The following SGCZ variants were observed in gnomAD, a reference collection of about 807,000 sequenced individuals.
SGCZ encodes the protein sarcoglycan zeta, also known as zeta-sarcoglycan.
Under a neutral mutation model 41.3 loss-of-function variants are expected in SGCZ, and 40 were observed. That is an observed-to-expected ratio of 0.97 (90% CI 0.75 to 1.26). The LOEUF (loss-of-function observed/expected upper bound fraction) is 1.26. Ranked by LOEUF, SGCZ falls within the 50% of genes most tolerant of loss-of-function variation. SGCZ has a pLI of 0.00. For synonymous variants in SGCZ, 206 were observed against 137.5 expected, an observed-to-expected ratio of 1.50 and a Z score of -3.49; for missense variants, 552 against 369.8, an observed-to-expected ratio of 1.49 and a Z score of -4.04.
At chr8:14,408,129 A>T (rs1227571603) in intron 2 of SGCZ, among the ~76,000 whole-genome samples, 1 of 152,124 alleles carries the variant, frequency 6.6e-6, no homozygotes, top group East Asian at 1.9e-4. Context: ...TGTGTAGGGC[A>T]GAGTAGTAGA....
At chr8:15,061,996 T>G (rs184533497) in intron 1 of SGCZ, among the ~76,000 whole-genome samples, 1 of 152,304 alleles carries the variant, frequency 6.6e-6, no homozygotes, top group African/African-American at 2.4e-5. Flanking sequence ...CCAAAGTTTA[T>G]TATCTATGAA....
At chr8:14,784,989 T>A (rs572800738) in intron 1 of SGCZ, among the ~76,000 whole-genome samples, 4 of 139,364 alleles carry the variant, frequency 2.9e-5, no homozygotes, top group African/African-American at 5.2e-5. Context: ...TTTTATATAT[T>A]ATATATATAT....
At chr8:14,303,720 CTCTA>C (rs1801264640) in intron 3 of SGCZ, among the ~76,000 whole-genome samples, 1 of 152,036 alleles carries the variant, frequency 6.6e-6, no homozygotes, top group Non-Finnish European at 1.5e-5. Context: ...CAAAATCTCT[CTCTA>C]TATATATATA....
intron 1 of SGCZ, among the ~76,000 whole-genome samples, chr8:14,985,735 T>C (rs1801807997): frequency 6.6e-6 from 1 of 152,322 alleles, no homozygotes; most frequent in African/African-American, 2.4e-5. Context: ...ACACAGGCTA[T>C]ATCTGCAAGG....
intron 1 of SGCZ, among the ~76,000 whole-genome samples, chr8:14,582,524 A>T (rs1300709036): frequency 2.6e-5 from 4 of 152,046 alleles, no homozygotes; most frequent in Non-Finnish European, 4.4e-5. Context: ...TTTTATTATT[A>T]TCATACTTTA....
At chr8:14,316,787 T>C (rs1276151548) in intron 3 of SGCZ, among the ~76,000 whole-genome samples, 1 of 149,130 alleles carries the variant, frequency 6.7e-6, no homozygotes, top group East Asian at 2.0e-4. Flanking sequence ...TTCCTTGGTA[T>C]TCCTGTCCAA....
At chr8:14,430,969 A>G (rs1180529293) in intron 2 of SGCZ, among the ~76,000 whole-genome samples, 2 of 152,160 alleles carry the variant, frequency 1.3e-5, no homozygotes, top group Non-Finnish European at 2.9e-5. Flanking sequence ...TAAAATACTT[A>G]GGAATACACC....
intron 1 of SGCZ, among the ~76,000 whole-genome samples, chr8:14,556,328 AAAT>A (rs1240269003): frequency 6.6e-6 from 1 of 151,670 alleles, no homozygotes; most frequent in Non-Finnish European, 1.5e-5. Flanking sequence ...ACACAAATAA[AAAT>A]AATATTAATA....
intron 4 of SGCZ, among the ~76,000 whole-genome samples, chr8:14,206,045 A>G (rs1805605008): frequency 6.6e-6 from 1 of 152,134 alleles, no homozygotes; most frequent in Non-Finnish European, 1.5e-5. Context: ...TGCTGTTTCC[A>G]TTATATGATT....
intron 1 of SGCZ, among the ~76,000 whole-genome samples, chr8:14,559,033 C>T (rs190916987): frequency 2.0e-4 from 30 of 152,026 alleles, no homozygotes; most frequent in Middle Eastern, 3.4e-3. Flanking sequence ...ACAGTGAATG[C>T]GGAAAAGTTG....
chr8:14,131,537 T>A, intron 5 of SGCZ, among the ~76,000 whole-genome samples: 1 of 152,208 alleles, frequency 6.6e-6, no homozygotes. Flanking sequence ...ACAAGTTCCT[T>A]CTCTCTTGCT....
At chr8:15,105,851 A>G (rs1338437342) in intron 1 of SGCZ, among the ~76,000 whole-genome samples, 1 of 152,206 alleles carries the variant, frequency 6.6e-6, no homozygotes, top group African/African-American at 2.4e-5. Context: ...TGAAAGCTCC[A>G]GTTTAGTTTG....
chr8:15,172,152 CT>C (rs1291992772), intron 1 of SGCZ, among the ~76,000 whole-genome samples: 611 of 70,510 alleles, frequency 8.7e-3, no homozygotes, highest in Middle Eastern at 0.029. Context: ...CTTTTATACT[CT>C]GTTTTTTTTT....
intron 1 of SGCZ, among the ~76,000 whole-genome samples, chr8:15,234,668 C>G (rs1437150971): frequency 6.6e-6 from 1 of 152,148 alleles, no homozygotes; most frequent in Admixed American, 6.5e-5. Flanking sequence ...ACAATTAGAG[C>G]TTATCTTTAG....
intron 1 of SGCZ, among the ~76,000 whole-genome samples, chr8:14,800,441 C>A (rs1451494252): frequency 6.6e-6 from 1 of 152,132 alleles, no homozygotes; most frequent in Non-Finnish European, 1.5e-5. Flanking sequence ...TTTTGCATCT[C>A]TATGAATTTC....
chr8:14,932,471 C>T (rs187191435), intron 1 of SGCZ, among the ~76,000 whole-genome samples: 9 of 152,004 alleles, frequency 5.9e-5, no homozygotes, highest in African/African-American at 1.9e-4. Flanking sequence ...TTGGTGCATT[C>T]GTTCTGTGTA....
chr8:14,581,677 T>A (rs2117260311), intron 1 of SGCZ, among the ~76,000 whole-genome samples: 1 of 152,220 alleles, frequency 6.6e-6, no homozygotes, highest in South Asian at 2.1e-4. Flanking sequence ...TATTCTTCTC[T>A]AAGAACAAAA....
At position 14,252,973 on chromosome 8, in the gene SGCZ, T is replaced by C. The variant is rs1365643; in HGVS notation, c.337-15294A>G. On this transcript the variant is annotated intron_variant, in intron 3 of 7. Coordinates refer to ENST00000382080, the MANE Select transcript of SGCZ (RefSeq NM_139167.4). ...GCATAGCTAGGTTGCCTGTGGGATT[T>C]TATTTCAGAACATACAGCCTGTGAA... 6.4e-4 allele frequency among the ~76,000 whole-genome samples: 97 copies of C among 152,336 alleles called. No homozygotes were observed. The East Asian group carries it at 0.017, about 26-fold the overall frequency.
Position 14,303,879 on chromosome 8 carries a change from G to A in SGCZ, c.336+20224C>T, listed in dbSNP as rs573198282. 2.0e-5 allele frequency among the ~76,000 whole-genome samples: 3 copies of A among 151,994 alleles called. No homozygotes were observed. The East Asian group carries it at 5.9e-4, about 30-fold the overall frequency. Reference sequence around the variant, plus strand: ...CCATTCTCCTGCTTCAGTCTCCCGAGTGGCTAGGATTATAGGCACCCGCCA... The same window carrying A: ...CCATTCTCCTGCTTCAGTCTCCCGAATGGCTAGGATTATAGGCACCCGCCA... On this transcript the variant is annotated intron_variant, in intron 3 of 7. Coordinates refer to ENST00000382080, the MANE Select transcript of SGCZ (RefSeq NM_139167.4).
Sources: gnomAD v4.1 joint callset for allele counts (sites outside exome capture counted in the v4.1 genomes callset) on GRCh38, gnomAD v4.1.1 for gene constraint, MANE v1.5 for transcripts, NCBI Gene and HGNC (gene_info 2026-07-23, HGNC 2026-07-21) for gene names.